Variants in SYNE1 observed in about 807,000 individuals in gnomAD.
SYNE1 encodes the protein spectrin repeat containing nuclear envelope protein 1, also known as nesprin-1.
A neutral mutation model predicts 1,111.0 loss-of-function variants in SYNE1; 616 were observed. The ratio of observed to expected loss-of-function variants is 0.55; its 90% confidence interval spans 0.52 to 0.59. The LOEUF is 0.59. SYNE1 is among the 20% of genes least tolerant of loss of function. The pLI is 0.00. For synonymous variants in SYNE1, 3,855 were observed against 3,825.8 expected, an observed-to-expected ratio of 1.01 and a Z score of -0.28; for missense variants, 10,006 against 10,417.0, an observed-to-expected ratio of 0.96 and a Z score of 1.72.
chr6:152,427,177 C>CTACCTAT (rs2154196954), intron 38 of SYNE1, among the ~76,000 whole-genome samples: 1 of 152,302 alleles, frequency 6.6e-6, no homozygotes, highest in East Asian at 1.9e-4. Context: ...CTTTGTCTTT[C>CTACCTAT]TACCTATTAC....
Position 152,148,282 on chromosome 6 carries a change from T to C in SYNE1, c.24739A>G (p.Ser8247Gly). The change falls in exon 137 of 146, where the codon AGC becomes GGC. Residue 8247 changes from serine (S) to glycine (G), a missense_variant. Physicochemically the swap from Ser to Gly is moderately conservative, Grantham distance 56. This residue lies in a region of SYNE1 where 761 missense variants were observed against 795.5 expected (regional missense o/e 0.96). Coordinates refer to ENST00000367255, the MANE Select transcript of SYNE1 (RefSeq NM_182961.4). The surrounding 1 kb of genome is among the most constrained non-coding windows in gnomAD (Gnocchi z 4.1). The stretch of plus-strand genomic sequence containing the variant: ...GAGGAAGGCTGTGGAGAAAGCAGGC[T>C]GTCTGCAGAGCGGTCGTGCCAGTGC... ...DLHWHDRSAD[S>G]LLSPQPSSNL... 6.2e-7 allele frequency: 1 copy of C among 1,613,704 alleles called. No individual in the cohort carries two copies. Among genetic ancestry groups the C allele is most frequent in the Non-Finnish European group, 8.5e-7 (1 of 1,179,690 alleles).
intron 3 of SYNE1, among the ~76,000 whole-genome samples, chr6:152,593,302 G>T (rs1193222665): frequency 6.6e-6 from 1 of 152,102 alleles, no homozygotes; most frequent in Non-Finnish European, 1.5e-5. Context: ...GACATAGCTT[G>T]GGCTGGGCAC....
rs2076845813 is a variant in SYNE1 at position 152,208,048 on chromosome 6, G to A, written c.22748C>T (p.Ser7583Phe). The A allele has an allele frequency of 1.2e-6, 2 of 1,613,964 alleles. No individual in the cohort carries two copies. The highest frequency in any genetic ancestry group is 1.3e-5 in the African/African-American group (1 of 74,882). Residue 7583 changes from serine (S) to phenylalanine (F), a missense_variant, in exon 125 of 146, where the codon TCC (serine) becomes TTC (phenylalanine). This residue lies in a region of SYNE1 where 2,182 missense variants were observed against 2,287.8 expected (regional missense o/e 0.95). Transcript: ENST00000367255. ...EKLRKWLVEV[S>F]YLPMSGLGSV... ...TCCGAGACCACTCATGGGGAGGTAG[G>A]ACACTTCAACCAACCATTTACGAAG...
chr6:152,250,976 G>A (rs977719934), intron 104 of SYNE1, among the ~76,000 whole-genome samples: 1 of 152,176 alleles, frequency 6.6e-6, no homozygotes, highest in African/African-American at 2.4e-5. Flanking sequence ...TTGAGACAGA[G>A]TCTTGCTCTG....
chr6:152,615,497 A>G (rs1246622679), intron 3 of SYNE1, among the ~76,000 whole-genome samples: 3 of 152,108 alleles, frequency 2.0e-5, no homozygotes, highest in Non-Finnish European at 4.4e-5. Flanking sequence ...CAGAAATAAC[A>G]TTCCTTCTTT....
rs1302345097 is a variant in SYNE1 at position 152,122,574 on chromosome 6, C to G, written c.26256G>C (p.Gln8752His). ...FRVLRAALPL[Q>H]LLLLLLIGLA... is the part of the protein sequence containing the mutation. ...GCCCGATGAGGAGGAGCAGGAGAAG[C>G]TGAAGGGGAAGAGCTGCTCGGAGGA... The change falls in exon 146 of 146, where the codon CAG becomes CAC. Residue 8752 changes from glutamine to histidine, a missense_variant. Gln to His is a conservative substitution (Grantham distance 24, BLOSUM62 0). Coordinates refer to ENST00000367255, the MANE Select transcript of SYNE1 (RefSeq NM_182961.4). The G allele has an allele frequency of 1.9e-6, 3 of 1,614,180 alleles. No individual in the cohort carries two copies. Among genetic ancestry groups the G allele is most frequent in the East Asian group, 2.2e-5 (1 of 44,876 alleles).
chr6:152,634,619 AG>A (rs1304643696), intron 2 of SYNE1, among the ~76,000 whole-genome samples: 1 of 152,264 alleles, frequency 6.6e-6, no homozygotes, highest in African/African-American at 2.4e-5. Flanking sequence ...CTTATTCACT[AG>A]TATGAATTAT....
intron 125 of SYNE1, 91 bp downstream of exon 125, chr6:152,207,881 A>T: frequency 8.3e-7 from 1 of 1,201,288 alleles, no homozygotes; most frequent in Non-Finnish European, 1.2e-6. Flanking sequence ...CTGCAATGTC[A>T]CTCTAGAGTC....
intron 3 of SYNE1, among the ~76,000 whole-genome samples, chr6:152,625,176 C>T (rs2099683356): frequency 6.6e-6 from 1 of 152,084 alleles, no homozygotes; most frequent in Non-Finnish European, 1.5e-5. Context: ...TAATACCAGC[C>T]CTCCATTTAT....
At chr6:152,325,926 AG>A in intron 80 of SYNE1, 31 bp downstream of exon 80, 1 of 1,613,562 alleles carries the variant, frequency 6.2e-7, no homozygotes, top group Non-Finnish European at 8.5e-7. Flanking sequence ...TTATAGAAAA[AG>A]GATTTTTTTT....
intron 121 of SYNE1, among the ~76,000 whole-genome samples, chr6:152,216,631 C>T (rs759950588): frequency 2.0e-5 from 3 of 152,122 alleles, no homozygotes; most frequent in Non-Finnish European, 2.9e-5. Context: ...AACCAGGATG[C>T]CGCCTTGAGA....
chr6:152,416,120 C>T (rs1006105963), intron 41 of SYNE1, among the ~76,000 whole-genome samples: 2 of 152,158 alleles, frequency 1.3e-5, no homozygotes, highest in Non-Finnish European at 2.9e-5. Context: ...CTCAGTAAAT[C>T]AGCACTTTAC....
intron 17 of SYNE1, 126 bp downstream of exon 17, chr6:152,465,856 T>C (rs1389602406): frequency 1.4e-6 from 1 of 714,230 alleles, no homozygotes; most frequent in Non-Finnish European, 2.5e-6. Context: ...GTATGTGTTC[T>C]CCTGGCCAAT....
intron 8 of SYNE1, among the ~76,000 whole-genome samples, chr6:152,506,830 G>GC (rs972574800): frequency 8.5e-5 from 13 of 152,060 alleles, no homozygotes; most frequent in African/African-American, 3.1e-4. Flanking sequence ...ACCTGCCTCG[G>GC]CCCCCCAAAG....
At chr6:152,320,381 G>C (rs984122026) in intron 84 of SYNE1, among the ~76,000 whole-genome samples, 4 of 152,142 alleles carry the variant, frequency 2.6e-5, no homozygotes, top group African/African-American at 9.7e-5. Context: ...ACAACTGTAT[G>C]AGTTTTACAG....
chr6:152,360,672 A>T (rs9371591), intron 64 of SYNE1, among the ~76,000 whole-genome samples: 1 of 152,182 alleles, frequency 6.6e-6, no homozygotes, highest in Non-Finnish European at 1.5e-5. Context: ...CCCTACATGT[A>T]GCAATTTCTC....
intron 100 of SYNE1, among the ~76,000 whole-genome samples, chr6:152,264,628 C>T (rs1289145095): frequency 6.6e-6 from 1 of 151,880 alleles, no homozygotes; most frequent in African/African-American, 2.4e-5. Flanking sequence ...CAGACCCTGT[C>T]TCTACAAAAA....
intron 36 of SYNE1, among the ~76,000 whole-genome samples, chr6:152,429,183 C>T (rs1592512956): frequency 6.6e-6 from 1 of 151,808 alleles, no homozygotes; most frequent in East Asian, 1.9e-4. Context: ...TGACTCTTTT[C>T]ATCTTCCTGA....
rs2096324088 is a variant in SYNE1 at position 152,334,261 on chromosome 6, T to G, written c.12541A>C (p.Lys4181Gln). ...ACGGATGCCTGTTTGCTCTGTAGTT[T>G]CTTAACAAAATCCTAAAGGATAACA... ...MVSQVKDFVK[K>Q]LQSKQASVNT... Residue 4181 changes from lysine to glutamine, a missense_variant, in exon 77 of 146, where the codon AAA becomes CAA. Coordinates refer to ENST00000367255, the MANE Select transcript of SYNE1 (RefSeq NM_182961.4). 1 of 1,613,676 alleles carries G rather than the reference T, an allele frequency of 6.2e-7. No homozygotes were observed. The highest frequency in any genetic ancestry group is 1.3e-5 in the African/African-American group (1 of 74,930).
Sources: gnomAD v4.1 joint callset for allele counts (sites outside exome capture counted in the v4.1 genomes callset) on GRCh38, gnomAD v4.1.1 for gene constraint, gnomAD v4.1.1 regional missense constraint, Gnocchi (gnomAD v3.1) non-coding constraint, MANE v1.5 for transcripts, NCBI Gene and HGNC (gene_info 2026-07-23, HGNC 2026-07-21) for gene names.